The following CSMD1 variants were observed in gnomAD, a reference collection of about 807,000 sequenced individuals.
The protein encoded by CSMD1 is CUB and Sushi multiple domains 1, also known as CUB and sushi domain-containing protein 1.
A neutral mutation model predicts 417.5 loss-of-function variants in CSMD1; 213 were observed. That is an observed-to-expected ratio of 0.51 (90% CI 0.46 to 0.57). The LOEUF is 0.57. CSMD1 is among the 20% of genes least tolerant of loss of function. CSMD1 has a pLI of 0.00. For missense variants in CSMD1, 6,923 were observed against 4,529.7 expected, an observed-to-expected ratio of 1.53 and a Z score of -15.17; for synonymous variants, 2,862 against 1,736.8, an observed-to-expected ratio of 1.65 and a Z score of -16.11.
intron 2 of CSMD1, among the ~76,000 whole-genome samples, chr8:4,468,267 C>A (rs757913971): frequency 2.6e-5 from 4 of 152,162 alleles, no homozygotes; most frequent in Non-Finnish European, 5.9e-5. Context: ...GACTCCTGAC[C>A]CCACCTTCAC....
At chr8:4,684,443 A>C (rs1806239894) in intron 1 of CSMD1, among the ~76,000 whole-genome samples, 1 of 152,140 alleles carries the variant, frequency 6.6e-6, no homozygotes. Flanking sequence ...TGAAATGGAT[A>C]ATTTTTTGGT....
chr8:3,922,270 A>G (rs541908100), intron 5 of CSMD1, among the ~76,000 whole-genome samples: 11 of 152,196 alleles, frequency 7.2e-5, no homozygotes, highest in African/African-American at 2.6e-4. Context: ...GTGTGCTCTT[A>G]AAAACATAGT....
At chr8:3,088,526 C>T (rs1814700863) in intron 48 of CSMD1, among the ~76,000 whole-genome samples, 2 of 151,982 alleles carry the variant, frequency 1.3e-5, no homozygotes, top group African/African-American at 4.8e-5. Context: ...ATAGTGGTGC[C>T]CAGAAGCAAC....
At chr8:3,841,945 A>C (rs913401053) in intron 5 of CSMD1, among the ~76,000 whole-genome samples, 2 of 152,140 alleles carry the variant, frequency 1.3e-5, no homozygotes, top group African/African-American at 4.8e-5. Context: ...CCAAAAAGAA[A>C]AGGAAAGTTA....
At chr8:4,671,657 A>G (rs1238882442) in intron 1 of CSMD1, among the ~76,000 whole-genome samples, 2 of 152,068 alleles carry the variant, frequency 1.3e-5, no homozygotes, top group African/African-American at 2.4e-5. Context: ...TTAAAATGGA[A>G]CTGTTTTCAT....
chr8:3,981,035 C>A (rs1003992548), intron 5 of CSMD1, among the ~76,000 whole-genome samples: 1 of 152,068 alleles, frequency 6.6e-6, no homozygotes, highest in African/African-American at 2.4e-5. Context: ...CTGTAGTAAC[C>A]ATGAATTTTC....
chr8:3,751,000 T>G (rs1038892636), intron 6 of CSMD1, among the ~76,000 whole-genome samples: 2 of 152,170 alleles, frequency 1.3e-5, no homozygotes, highest in Non-Finnish European at 2.9e-5. Context: ...CTCTCTCTGG[T>G]CCTTCTTCTT....
intron 23 of CSMD1, among the ~76,000 whole-genome samples, chr8:3,316,125 T>A (rs955739158): frequency 8.5e-5 from 13 of 152,186 alleles, no homozygotes; most frequent in Non-Finnish European, 1.6e-4. Flanking sequence ...ATGGATGAAC[T>A]GAAATAATTT....
intron 1 of CSMD1, among the ~76,000 whole-genome samples, chr8:4,885,720 GTAT>G (rs1803694266): frequency 6.6e-6 from 1 of 151,254 alleles, no homozygotes; most frequent in Non-Finnish European, 1.5e-5. Flanking sequence ...ATATACTTAT[GTAT>G]TATAATATAT....
chr8:4,399,233 T>G (rs902346146), intron 3 of CSMD1, among the ~76,000 whole-genome samples: 1 of 152,198 alleles, frequency 6.6e-6, no homozygotes, highest in African/African-American at 2.4e-5. Flanking sequence ...CAAACCGTAT[T>G]TCCCCTTGTG....
At chr8:3,919,641 T>A (rs1809089779) in intron 5 of CSMD1, among the ~76,000 whole-genome samples, 1 of 152,166 alleles carries the variant, frequency 6.6e-6, no homozygotes, top group Non-Finnish European at 1.5e-5. Flanking sequence ...CCATACAAAT[T>A]TTATGACTTT....
At chr8:3,553,072 T>G (rs1373425576) in intron 10 of CSMD1, among the ~76,000 whole-genome samples, 1 of 151,516 alleles carries the variant, frequency 6.6e-6, no homozygotes, top group Non-Finnish European at 1.5e-5. Flanking sequence ...AATAAAATAT[T>G]ATTCTTAAAA....
intron 11 of CSMD1, among the ~76,000 whole-genome samples, chr8:3,481,759 C>T (rs181635434): frequency 2.2e-4 from 33 of 152,250 alleles, no homozygotes; most frequent in Admixed American, 7.9e-4. Context: ...AGCCAAGGAA[C>T]GCCAGCAGCT....
At chr8:4,173,148 T>C (rs1454170441) in intron 3 of CSMD1, among the ~76,000 whole-genome samples, 4 of 152,186 alleles carry the variant, frequency 2.6e-5, no homozygotes, top group Non-Finnish European at 4.4e-5. Context: ...ATAGGGTTGC[T>C]AGATTGATTA....
At chr8:4,802,025 C>G (rs570629967) in intron 1 of CSMD1, among the ~76,000 whole-genome samples, 2 of 152,098 alleles carry the variant, frequency 1.3e-5, no homozygotes, top group African/African-American at 2.4e-5. Flanking sequence ...TGTAGACAGA[C>G]CATTTGCAAA....
chr8:3,638,856 T>C (rs1402958177), intron 7 of CSMD1, among the ~76,000 whole-genome samples: 2 of 152,078 alleles, frequency 1.3e-5, no homozygotes, highest in Admixed American at 6.6e-5. Context: ...CCCTGGAATA[T>C]AAAGATAAAA....
At chr8:3,212,096 G>C (rs1797646243) in intron 30 of CSMD1, among the ~76,000 whole-genome samples, 1 of 152,172 alleles carries the variant, frequency 6.6e-6, no homozygotes, top group Non-Finnish European at 1.5e-5. Context: ...TGTAATGCTA[G>C]ATCAAAGGCT....
chr8:4,471,973 C>T (rs559404988), intron 2 of CSMD1, among the ~76,000 whole-genome samples: 1 of 152,160 alleles, frequency 6.6e-6, no homozygotes, highest in African/African-American at 2.4e-5. Flanking sequence ...GCCTTCTAAG[C>T]GATACGTATT....
At chr8:3,600,976 A>C (rs1404691968) in intron 8 of CSMD1, among the ~76,000 whole-genome samples, 1 of 152,226 alleles carries the variant, frequency 6.6e-6, no homozygotes, top group Non-Finnish European at 1.5e-5. Flanking sequence ...GTAAAGAACT[A>C]TTCCAAGGGG....
Sources: gnomAD v4.1 joint callset for allele counts (sites outside exome capture counted in the v4.1 genomes callset) on GRCh38, gnomAD v4.1.1 for gene constraint, MANE v1.5 for transcripts, NCBI Gene and HGNC (gene_info 2026-07-23, HGNC 2026-07-21) for gene names.